PAX5: variants seen among roughly 807,000 people sequenced by gnomAD.
The protein encoded by PAX5 is paired box protein Pax-5.
Under a neutral mutation model 43.7 loss-of-function variants are expected in PAX5, and 9 were observed. The ratio of observed to expected loss-of-function variants is 0.21; its 90% CI spans 0.12 to 0.36. The LOEUF is 0.36. Among genes scored for constraint, PAX5 ranks in the 10% least tolerant of loss-of-function variants. The pLI, the probability that PAX5 is intolerant of heterozygous loss-of-function variation, is 1.00. For synonymous variants in PAX5, 228 were observed against 214.3 expected (o/e 1.06, Z -0.56); for missense variants, 383 against 532.7 (o/e 0.72, Z 2.77).
intron 1 of PAX5, among the ~76,000 whole-genome samples, chr9:37,032,059 C>A (rs891006740): frequency 1.3e-5 from 2 of 152,160 alleles, no homozygotes; most frequent in Admixed American, 1.3e-4. Flanking sequence ...GAACTGTCGC[C>A]CTTTTCCAGG....
chr9:36,985,745 C>T (rs1836343600), intron 5 of PAX5, among the ~76,000 whole-genome samples: 1 of 152,188 alleles, frequency 6.6e-6, no homozygotes, highest in Admixed American at 6.5e-5. Flanking sequence ...GCACACGTGG[C>T]AGGGTCAAAA....
intron 8 of PAX5, among the ~76,000 whole-genome samples, chr9:36,859,255 C>T (rs887928804): frequency 4.6e-5 from 7 of 152,252 alleles, no homozygotes; most frequent in South Asian, 2.1e-4. Flanking sequence ...GAGGGGCAGG[C>T]GCGCACATAA....
chr9:36,915,637 T>C (rs1397536478), intron 7 of PAX5, among the ~76,000 whole-genome samples: 1 of 152,236 alleles, frequency 6.6e-6, no homozygotes, highest in Non-Finnish European at 1.5e-5. Flanking sequence ...CTACACTTTT[T>C]TTTTCATTTT....
rs879825360 is a variant in PAX5 at position 36,835,814 on chromosome 9, G to GC, written c.*4745dup. 5 of 233,244 alleles carry GC rather than the reference G, an allele frequency of 2.1e-5. No individual in the cohort carries two copies. Among genetic ancestry groups the GC allele is most frequent in the Non-Finnish European group, 3.4e-5 (4 of 118,126 alleles). 14.4% of individuals were successfully genotyped at this position (233,244 alleles called of 1,614,324 possible). A position where few individuals can be genotyped will look rare whatever the true frequency, so the allele number is the denominator to read the frequency against. On this transcript the variant is annotated 3_prime_UTR_variant, in exon 10 of 10. Transcript: ENST00000358127. ...GGCCTCGTAGTGGGGCCACCGTGGA[G>GC]CCGGTCTAGCTCAGAGCCCTGTGGG...
chr9:36,906,847 A>T (rs1828867784), intron 7 of PAX5, among the ~76,000 whole-genome samples: 1 of 152,174 alleles, frequency 6.6e-6, no homozygotes, highest in Non-Finnish European at 1.5e-5. Flanking sequence ...TCATCTACAT[A>T]GTGAGTTCTA....
intron 3 of PAX5, 127 bp from the exon 4 acceptor site, chr9:37,006,664 G>T: frequency 1.3e-6 from 1 of 751,646 alleles, no homozygotes; most frequent in Non-Finnish European, 2.4e-6. Flanking sequence ...GAGGCAGAGG[G>T]GCAGAGGTGG....
chr9:36,978,457 T>C (rs148864484), intron 5 of PAX5, among the ~76,000 whole-genome samples: 428 of 152,292 alleles, frequency 2.8e-3, no homozygotes, highest in East Asian at 0.015. Context: ...ATCCCTTTTA[T>C]GGCCTTCATG....
chr9:36,900,470 G>A (rs1448385199), intron 7 of PAX5, among the ~76,000 whole-genome samples: 1 of 152,186 alleles, frequency 6.6e-6, no homozygotes, highest in Non-Finnish European at 1.5e-5. Flanking sequence ...TGGCCCTCTT[G>A]GAGACCCTGA....
rs1821430408 is a variant in PAX5, at chr9:36,833,595, C to T, written c.*6965G>A. The T allele has an allele frequency of 8.6e-6, 2 of 233,026 alleles. No individual in the cohort carries two copies. Among genetic ancestry groups the T allele is most frequent in the Non-Finnish European group, 1.7e-5 (2 of 118,030 alleles). 14.4% of individuals were successfully genotyped at this position (233,026 alleles called of 1,614,324 possible). A position where few individuals can be genotyped will look rare whatever the true frequency, so the allele number is the denominator to read the frequency against. On this transcript the variant is annotated 3_prime_UTR_variant, in exon 10 of 10. Transcript: ENST00000358127. ...AAGTCCCACCCCTAGCCCTGCCCTC[C>T]TCCCCAAAAAAGAAAAATATGTCCA... is the stretch of plus-strand genomic sequence containing the variant.
intron 8 of PAX5, among the ~76,000 whole-genome samples, chr9:36,876,015 AG>A (rs1344914116): frequency 2.0e-5 from 3 of 152,220 alleles, no homozygotes; most frequent in Non-Finnish European, 4.4e-5. Context: ...TCACTGGGGA[AG>A]GCCTCTCTAT....
At chr9:37,033,500 A>G (rs1841198459) in intron 1 of PAX5, among the ~76,000 whole-genome samples, 1 of 152,328 alleles carries the variant, frequency 6.6e-6, no homozygotes, top group African/African-American at 2.4e-5. Flanking sequence ...TCCGAATTAC[A>G]TAAATAACAC....
intron 2 of PAX5, among the ~76,000 whole-genome samples, chr9:37,017,371 T>C (rs2132483810): frequency 6.6e-6 from 1 of 152,360 alleles, no homozygotes; most frequent in East Asian, 1.9e-4. Flanking sequence ...AACCTGACTC[T>C]AAATTCAGTG....
chr9:37,010,778 C>T (rs894026168), intron 3 of PAX5, among the ~76,000 whole-genome samples: 6 of 152,088 alleles, frequency 3.9e-5, no homozygotes, highest in East Asian at 1.9e-4. Flanking sequence ...TCAGCTATGC[C>T]GAGAATTCAA....
chr9:36,887,277 A>C (rs1037401795), intron 7 of PAX5, among the ~76,000 whole-genome samples: 2 of 152,216 alleles, frequency 1.3e-5, no homozygotes, highest in Admixed American at 6.5e-5. Context: ...AGAATGAAAA[A>C]TTTAAACAAA....
intron 4 of PAX5, among the ~76,000 whole-genome samples, chr9:37,005,405 G>T (rs138671523): frequency 4.6e-5 from 7 of 152,338 alleles, no homozygotes; most frequent in Admixed American, 1.3e-4. Context: ...TTATTTCATG[G>T]CAGGGAGGAA....
chr9:36,999,764 G>T (rs1306313727), intron 5 of PAX5, among the ~76,000 whole-genome samples: 2 of 152,208 alleles, frequency 1.3e-5, no homozygotes, highest in Non-Finnish European at 2.9e-5. Context: ...GCCGGCCAGT[G>T]TGCCTGAAAT....
At chr9:36,977,332 A>AG (rs928563044) in intron 5 of PAX5, among the ~76,000 whole-genome samples, 1 of 151,288 alleles carries the variant, frequency 6.6e-6, no homozygotes, top group Middle Eastern at 3.4e-3. Flanking sequence ...GGGAAGAAAA[A>AG]AAAGAGTAAC....
chr9:36,874,605 T>A (rs1825756643), intron 8 of PAX5, among the ~76,000 whole-genome samples: 1 of 152,192 alleles, frequency 6.6e-6, no homozygotes, highest in Non-Finnish European at 1.5e-5. Context: ...CAGGGCCACC[T>A]TTGCCAGAAT....
chr9:36,952,130 C>G (rs1410252838), intron 6 of PAX5, among the ~76,000 whole-genome samples: 8 of 151,600 alleles, frequency 5.3e-5, no homozygotes, highest in Non-Finnish European at 2.9e-5. Flanking sequence ...ATTTGGTTAC[C>G]ATCACTTCTT....
Sources: gnomAD v4.1 joint callset for allele counts (sites outside exome capture counted in the v4.1 genomes callset) on GRCh38, gnomAD v4.1.1 for gene constraint, MANE v1.5 for transcripts, NCBI Gene and HGNC (gene_info 2026-07-23, HGNC 2026-07-21) for gene names.